CDC14B: variants seen among roughly 807,000 people sequenced by gnomAD.
The protein encoded by CDC14B is dual specificity protein phosphatase CDC14B.
A neutral mutation model predicts 64.2 loss-of-function variants in CDC14B; 22 were observed. The observed-to-expected ratio is 0.34, with a 90% CI of 0.24 to 0.49. The LOEUF is 0.49. Among genes scored for constraint, CDC14B ranks in the 20% least tolerant of loss-of-function variants. The probability of loss-of-function intolerance (pLI) is 0.99; values close to 1 mark genes in which losing one functional copy is unlikely to be tolerated. For missense variants in CDC14B, 498 were observed against 629.9 expected, an observed-to-expected ratio of 0.79 and a Z score of 2.24; for synonymous variants, 191 against 215.8, an observed-to-expected ratio of 0.89 and a Z score of 1.01.
At position 96,619,329 on chromosome 9, in the gene CDC14B, C is replaced by T; in HGVS notation, c.50G>A (p.Cys17Tyr). The part of the protein sequence containing the change: ...RRSSWAAAPP[C>Y]SRRCSSTSPG... ...CGAGGTCGACGAGCAGCGCCGCGAG[C>T]AGGGGGGCGCGGCGGCCCAGCTCGA... Residue 17 changes from cysteine to tyrosine, a missense_variant, in exon 1 of 14, where the codon TGC becomes TAC. Cys to Tyr is a radical substitution (Grantham distance 194, BLOSUM62 -2). Transcript: ENST00000375241. 7.8e-7 allele frequency: 1 copy of T among 1,283,518 alleles called. No individual in the cohort carries two copies. Among genetic ancestry groups the T allele is most frequent in the Non-Finnish European group, 9.9e-7 (1 of 1,011,282 alleles). The allele number at this position is 1,283,518 out of a possible 1,614,324, so 79.5% of individuals were successfully genotyped here.
intron 4 of CDC14B, among the ~76,000 whole-genome samples, chr9:96,552,140 C>CG (rs901279952): frequency 6.6e-6 from 1 of 152,204 alleles, no homozygotes; most frequent in African/African-American, 2.4e-5. Flanking sequence ...ATTTTAAAAA[C>CG]AGATTTTCCA....
At chr9:96,561,852 A>G (rs765136333) in intron 4 of CDC14B, among the ~76,000 whole-genome samples, 48 of 151,956 alleles carry the variant, frequency 3.2e-4, no homozygotes, top group Middle Eastern at 3.4e-3. Context: ...GTGGGGGTGG[A>G]AGAAACATCC....
chr9:96,587,863 C>A (rs1310763562), intron 1 of CDC14B, among the ~76,000 whole-genome samples: 2 of 152,180 alleles, frequency 1.3e-5, no homozygotes, highest in Non-Finnish European at 2.9e-5. Context: ...TTAAAGGAAG[C>A]CAACTCCCCG....
Position 96,515,565 on chromosome 9 carries a change from T to A in CDC14B, c.1344-5776A>T. The A allele has an allele frequency of 7.6e-7, 1 of 1,311,578 alleles. No individual in the cohort carries two copies. The highest frequency in any genetic ancestry group is 1.0e-6 in the Non-Finnish European group (1 of 991,414). The allele number at this position is 1,311,578 out of a possible 1,614,324, so 81.2% of individuals were successfully genotyped here. ...TAGGCAAACCAACAAAGCTAGGAGCTGACAAGGAGAAAAACATGCATTGTG... is the reference window on the plus strand; with the variant it reads ...TAGGCAAACCAACAAAGCTAGGAGCAGACAAGGAGAAAAACATGCATTGTG... On this transcript the variant is annotated intron_variant, in intron 12 of 13. Transcript: ENST00000375241. This position sits in a 1 kb window ranked among gnomAD's most constrained non-coding sequence, Gnocchi z 4.3.
Position 96,515,648 on chromosome 9 carries a change from C to T in CDC14B, c.1344-5859G>A. 6.4e-7 allele frequency: 1 copy of T among 1,565,042 alleles called. No individual in the cohort carries two copies. The highest frequency in any genetic ancestry group is 8.7e-7 in the Non-Finnish European group (1 of 1,155,410). On this transcript the variant is annotated intron_variant, in intron 12 of 13. Coordinates refer to ENST00000375241, the MANE Select transcript of CDC14B (RefSeq NM_033331.4). This position sits in a 1 kb window ranked among gnomAD's most constrained non-coding sequence, Gnocchi z 4.3. Reference sequence around the variant, plus strand: ...GCAGAGAAACAGAACGGGACACTTACAGCAGCTATCTGTCAGGGGGTCCTG... The same window carrying T: ...GCAGAGAAACAGAACGGGACACTTATAGCAGCTATCTGTCAGGGGGTCCTG...
rs760187429 is a variant in CDC14B, at chr9:96,515,666, G to T, written c.1344-5877C>A. The T allele has an allele frequency of 6.3e-7, 1 of 1,582,426 alleles. No individual in the cohort carries two copies. The highest frequency in any genetic ancestry group is 1.2e-5 in the South Asian group (1 of 86,466). On this transcript the variant is annotated intron_variant, in intron 12 of 13. Transcript: ENST00000375241. The surrounding 1 kb of genome is among the most constrained non-coding windows in gnomAD (Gnocchi z 4.3). ...ACACTTACAGCAGCTATCTGTCAGGGGGTCCTGATGGCTACTGTGTTCTGA... is the reference window on the plus strand; with the variant it reads ...ACACTTACAGCAGCTATCTGTCAGGTGGTCCTGATGGCTACTGTGTTCTGA...
Position 96,515,560 on chromosome 9 carries a change from G to A in CDC14B, c.1344-5771C>T. 7.8e-7 allele frequency: 1 copy of A among 1,277,840 alleles called. No individual in the cohort carries two copies. 79.2% of individuals were successfully genotyped at this position (1,277,840 alleles called of 1,614,324 possible). ...GAAAATAGGCAAACCAACAAAGCTA[G>A]GAGCTGACAAGGAGAAAAACATGCA... On this transcript the variant is annotated intron_variant, in intron 12 of 13. Coordinates refer to ENST00000375241, the MANE Select transcript of CDC14B (RefSeq NM_033331.4). The surrounding 1 kb of genome is among the most constrained non-coding windows in gnomAD (Gnocchi z 4.3).
At chr9:96,513,853 C>T (rs1835245218) in intron 12 of CDC14B, among the ~76,000 whole-genome samples, 2 of 152,186 alleles carry the variant, frequency 1.3e-5, no homozygotes, top group Non-Finnish European at 2.9e-5. Flanking sequence ...AGGCATGCTG[C>T]ATAACAGGAG....
At chr9:96,595,576 C>T (rs1050259118) in intron 1 of CDC14B, among the ~76,000 whole-genome samples, 2 of 152,154 alleles carry the variant, frequency 1.3e-5, no homozygotes, top group Non-Finnish European at 2.9e-5. Context: ...CTTGAATGTG[C>T]ATCAACTGGT....
intron 1 of CDC14B, among the ~76,000 whole-genome samples, chr9:96,612,336 C>A (rs369962173): frequency 3.0e-4 from 45 of 152,358 alleles, no homozygotes; most frequent in Admixed American, 9.1e-4. Flanking sequence ...GCCGTGATGA[C>A]TGTGCCTCAG....
intron 9 of CDC14B, among the ~76,000 whole-genome samples, chr9:96,531,584 C>A (rs1838492936): frequency 6.6e-6 from 1 of 151,870 alleles, no homozygotes; most frequent in African/African-American, 2.4e-5. Context: ...AGAACCAACC[C>A]TTGGTTTTGT....
At chr9:96,612,463 T>C (rs1435388361) in intron 1 of CDC14B, among the ~76,000 whole-genome samples, 4 of 152,192 alleles carry the variant, frequency 2.6e-5, no homozygotes, top group Non-Finnish European at 5.9e-5. Flanking sequence ...TTCATTTCAT[T>C]CTCACAACAA....
chr9:96,614,458 C>T (rs1478337578), intron 1 of CDC14B, among the ~76,000 whole-genome samples: 4 of 152,120 alleles, frequency 2.6e-5, no homozygotes, highest in African/African-American at 4.8e-5. Context: ...GCTGAGATTA[C>T]AGGCATGAGT....
intron 1 of CDC14B, 36 bp from the exon 2 acceptor site, chr9:96,565,519 G>T: frequency 7.2e-7 from 1 of 1,395,306 alleles, no homozygotes; most frequent in Non-Finnish European, 1.0e-6. Flanking sequence ...CTTCCTGGAG[G>T]TTACAAAAAA....
At chr9:96,493,657 A>C (rs2131175131) in intron 13 of CDC14B, among the ~76,000 whole-genome samples, 1 of 152,206 alleles carries the variant, frequency 6.6e-6, no homozygotes, top group Non-Finnish European at 1.5e-5. Flanking sequence ...CAGTAAGACC[A>C]TGTCTCTACA....
At chr9:96,596,379 A>AAC (rs1554778660) in intron 1 of CDC14B, among the ~76,000 whole-genome samples, 15 of 150,652 alleles carry the variant, frequency 1.0e-4, no homozygotes, top group East Asian at 3.9e-4. Flanking sequence ...AAAAAAAAAA[A>AAC]ACACACAAAA....
At chr9:96,555,623 T>C (rs548028913) in intron 4 of CDC14B, among the ~76,000 whole-genome samples, 13 of 152,280 alleles carry the variant, frequency 8.5e-5, no homozygotes, top group African/African-American at 2.9e-4. Flanking sequence ...TAAAAGTGAA[T>C]AGACAAATAC....
chr9:96,592,230 A>G (rs558419525), intron 1 of CDC14B, among the ~76,000 whole-genome samples: 1 of 152,146 alleles, frequency 6.6e-6, no homozygotes, highest in South Asian at 2.1e-4. Flanking sequence ...GGCACATGCC[A>G]CCACACCCAG....
At chr9:96,588,899 G>C in intron 1 of CDC14B, among the ~76,000 whole-genome samples, 1 of 152,312 alleles carries the variant, frequency 6.6e-6, no homozygotes, top group South Asian at 2.1e-4. Context: ...TTATAACAAA[G>C]TGATGTTTAG....
Sources: allele counts gnomAD v4.1 joint callset (sites outside exome capture counted in the v4.1 genomes callset), GRCh38; gene constraint gnomAD v4.1.1; non-coding constraint Gnocchi (gnomAD v3.1); transcripts MANE v1.5; gene names NCBI Gene and HGNC (gene_info 2026-07-23, HGNC 2026-07-21).